The following B9D1 variants were observed in gnomAD, a reference collection of about 807,000 sequenced individuals.
B9D1 encodes the protein B9 domain-containing protein 1.
In B9D1, 20 loss-of-function variants were observed where a neutral mutation model predicts 26.1. The ratio of observed to expected loss-of-function variants is 0.77; its 90% confidence interval spans 0.54 to 1.12. The LOEUF is 1.12. Ranked by LOEUF, B9D1 falls within the 50% of genes most tolerant of loss-of-function variation. The pLI is 0.00. For missense variants in B9D1, 260 were observed against 273.7 expected, an observed-to-expected ratio of 0.95 and a Z score of 0.35; for synonymous variants, 105 against 103.1, an observed-to-expected ratio of 1.02 and a Z score of -0.11.
upstream of B9D1, among the ~76,000 whole-genome samples, chr17:19,366,062 A>C (rs1486639413): frequency 3.3e-5 from 5 of 151,162 alleles, no homozygotes; most frequent in Non-Finnish European, 7.4e-5. Context: ...TCTTCCTTGA[A>C]CGCCTCTCCC....
rs1462843769 is a variant in B9D1 at position 19,370,981 on chromosome 17, T to C, written c.-298+6878A>G. Among the ~76,000 whole-genome samples the C allele has an allele frequency of 6.6e-6, 1 of 152,216 alleles. No individual in the cohort carries two copies. Among genetic ancestry groups the C allele is most frequent in the Non-Finnish European group, 1.5e-5 (1 of 68,034 alleles). ...AGCCTGCCCATCAAGCCCCACTGCT[T>C]TCCACTGCTTTGGTGCCTTCGCCTC... On this transcript the variant is annotated intron_variant, in intron 1 of 5. Coordinates refer to the B9D1 transcript ENST00000477478. This position sits in a 1 kb window ranked among gnomAD's most constrained non-coding sequence, Gnocchi z 5.1.
chr17:19,343,959 C>G, intron 5 of B9D1, 102 bp from the exon 6 acceptor site: 1 of 1,543,252 alleles, frequency 6.5e-7, no homozygotes, highest in South Asian at 1.2e-5. Flanking sequence ...AACCAGCACT[C>G]TTGTTCCAAC....
chr17:19,338,256 T>C (rs1907621322), downstream of B9D1, among the ~76,000 whole-genome samples: 1 of 152,240 alleles, frequency 6.6e-6, no homozygotes, highest in South Asian at 2.1e-4. Context: ...GGAAAGGACC[T>C]GATGGTGCCC....
At position 19,372,830 on chromosome 17, in the gene B9D1, C is replaced by G. The variant is rs564249151; in HGVS notation, c.-298+5029G>C. 2.6e-5 allele frequency among the ~76,000 whole-genome samples: 4 copies of G among 152,218 alleles called. No individual in the cohort carries two copies. Among genetic ancestry groups the G allele is most frequent in the Admixed American group, 6.5e-5 (1 of 15,288 alleles). On this transcript the variant is annotated intron_variant, in intron 1 of 5. Transcript: ENST00000477478. This position sits in a 1 kb window ranked among gnomAD's most constrained non-coding sequence, Gnocchi z 4.4. ...GGCAGTAACATCAGCAGAGCGGCAC[C>G]CTGCTCGGACAATTCACCTGCGCTC...
At chr17:19,371,228 C>A (rs1911876065) in intron 1 of B9D1, 2 of 152,412 alleles carry the variant, frequency 1.3e-5, no homozygotes, top group Admixed American at 1.3e-4. Context: ...CGTGTGTGTA[C>A]CTAGCATGTA....
rs1318900921 is a variant in B9D1 at position 19,370,483 on chromosome 17, G to A, written c.-298+7376C>T. On this transcript the variant is annotated intron_variant, in intron 1 of 5. Coordinates refer to the B9D1 transcript ENST00000477478. The surrounding 1 kb of genome is among the most constrained non-coding windows in gnomAD (Gnocchi z 5.1). ...CCCTCACAGACTTGGGATCTTTCTG[G>A]GAGGCAAACACAGGCCTTGGGGAAT... 6.6e-6 allele frequency among the ~76,000 whole-genome samples: 1 copy of A among 152,196 alleles called. No individual in the cohort carries two copies. Among genetic ancestry groups the A allele is most frequent in the Non-Finnish European group, 1.5e-5 (1 of 68,036 alleles).
rs1909013316 is a variant in B9D1, at chr17:19,347,650, CT to C, written c.341+133del. On this transcript the variant is annotated intron_variant, in intron 4 of 6. Transcript: ENST00000261499. The surrounding 1 kb of genome is among the most constrained non-coding windows in gnomAD (Gnocchi z 4.3). ...CTCCCAAATACAGGCTACAACCCCC[CT>C]GGCCACCAGGCTGAGCTGCCCAGGC... is the stretch of plus-strand genomic sequence containing the variant. 5.6e-6 allele frequency: 5 copies of C among 886,716 alleles called. No individual in the cohort carries two copies. The highest frequency in any genetic ancestry group is 1.4e-5 in the South Asian group (1 of 70,296). The allele number at this position is 886,716 out of a possible 1,614,324, so 54.9% of individuals were successfully genotyped here.
chr17:19,350,126 C>T (rs1489378547), intron 3 of B9D1, among the ~76,000 whole-genome samples: 1 of 151,358 alleles, frequency 6.6e-6, no homozygotes, highest in Non-Finnish European at 1.5e-5. Flanking sequence ...AAAAAAAAGA[C>T]CAGGCTGGGA....
chr17:19,377,087 T>G (rs959611309), intron 1 of B9D1, among the ~76,000 whole-genome samples: 1 of 152,228 alleles, frequency 6.6e-6, no homozygotes, highest in African/African-American at 2.4e-5. Flanking sequence ...ACTTATGTAT[T>G]ATGTCTTCCT....
rs1909025419 is a variant in B9D1, at chr17:19,347,750, C to A, written c.341+34G>T. 2 of 1,591,974 alleles carry A rather than the reference C, an allele frequency of 1.3e-6. No homozygotes were observed. The highest frequency in any genetic ancestry group is 1.7e-6 in the Non-Finnish European group (2 of 1,160,774). ...AGGTGAAGTCTGTCCTAGGACAAGTCCTGCCCAGGGCCCAGGTCAGAATGA... is the reference window on the plus strand; with the variant it reads ...AGGTGAAGTCTGTCCTAGGACAAGTACTGCCCAGGGCCCAGGTCAGAATGA... On this transcript the variant is annotated intron_variant, in intron 4 of 6. Transcript: ENST00000261499. This position sits in a 1 kb window ranked among gnomAD's most constrained non-coding sequence, Gnocchi z 4.3.
intron 3 of B9D1, among the ~76,000 whole-genome samples, chr17:19,349,934 G>A (rs1201849753): frequency 1.3e-5 from 2 of 152,116 alleles, no homozygotes; most frequent in Non-Finnish European, 2.9e-5. Context: ...TTTTTCCTAT[G>A]TATATCAAAT....
downstream of B9D1, among the ~76,000 whole-genome samples, chr17:19,341,734 G>C (rs1442574612): frequency 6.6e-6 from 1 of 152,222 alleles, no homozygotes; most frequent in Non-Finnish European, 1.5e-5. Flanking sequence ...GGCAGGTGCA[G>C]GGCAGGCGAA....
downstream of B9D1, among the ~76,000 whole-genome samples, chr17:19,342,362 G>A (rs1043410475): frequency 1.3e-5 from 2 of 152,186 alleles, no homozygotes; most frequent in Non-Finnish European, 2.9e-5. Context: ...CTCAGGGCAA[G>A]TGCCATGACG....
Position 19,343,842 on chromosome 17 carries a change from C to T in B9D1, c.420G>A (p.Arg140=). 6.2e-7 allele frequency: 1 copy of T among 1,614,032 alleles called. No homozygotes were observed. Among genetic ancestry groups the T allele is most frequent in the Non-Finnish European group, 8.5e-7 (1 of 1,179,936 alleles). Residue 140 remains arginine (R), a synonymous_variant, in exon 6 of 7, where the codon CGG becomes CGA. Transcript: ENST00000261499. ...CCTTGGGGTCTGTGTACTCGGGCCG[C>T]CGCCCCATGAACCAGCTGGGAACAC... is the stretch of plus-strand genomic sequence containing the variant. ...LQKFTSWFMG[R]RPEYTDPKVV... is the part of the protein sequence containing the mutation.
chr17:19,341,043 G>C, downstream of B9D1: 2 of 959,178 alleles, frequency 2.1e-6, no homozygotes, highest in Non-Finnish European at 2.7e-6. Context: ...AAATCTAGGT[G>C]GTGGGTATGT....
downstream of B9D1, chr17:19,335,390 T>A: frequency 6.5e-7 from 1 of 1,535,714 alleles, no homozygotes; most frequent in Non-Finnish European, 8.8e-7. Flanking sequence ...AACTAATTCC[T>A]TTTTTTTATT....
At chr17:19,362,728 G>C, upstream of B9D1, 2 of 1,526,588 alleles carry the variant, frequency 1.3e-6, no homozygotes, top group Non-Finnish European at 1.8e-6. Flanking sequence ...GCATGCGCAG[G>C]CGCAGTGAAC....
At chr17:19,373,512 C>T (rs1249285985) in intron 1 of B9D1, among the ~76,000 whole-genome samples, 2 of 152,234 alleles carry the variant, frequency 1.3e-5, no homozygotes, top group East Asian at 3.9e-4. Context: ...CTGCCTCAGC[C>T]TCCCGAGCAG....
intron 3 of B9D1, among the ~76,000 whole-genome samples, chr17:19,352,264 G>T (rs532839783): frequency 6.6e-6 from 1 of 152,110 alleles, no homozygotes; most frequent in East Asian, 1.9e-4. Context: ...TGTTGTAAGT[G>T]TGCTTTCTGT....
Sources: gnomAD v4.1 joint callset for allele counts (sites outside exome capture counted in the v4.1 genomes callset) on GRCh38, gnomAD v4.1.1 for gene constraint, Gnocchi (gnomAD v3.1) non-coding constraint, MANE v1.5 for transcripts, NCBI Gene and HGNC (gene_info 2026-07-23, HGNC 2026-07-21) for gene names.